The following ZNF536 variants were observed in gnomAD, a reference collection of about 807,000 sequenced individuals.
ZNF536 encodes the protein zinc finger protein 536.
A neutral mutation model predicts 84.5 loss-of-function variants in ZNF536; 13 were observed. The ratio of observed to expected loss-of-function variants is 0.15; its 90% confidence interval spans 0.10 to 0.24. The LOEUF (loss-of-function observed/expected upper bound fraction) is 0.24, where lower values mean the gene tolerates loss of function less well. Ranked by LOEUF, ZNF536 falls within the 10% of genes least tolerant of loss-of-function variation. ZNF536 has a pLI of 1.00. For synonymous variants in ZNF536, 811 were observed against 742.5 expected (o/e 1.09, Z -1.50); for missense variants, 1,536 against 1,747.5 (o/e 0.88, Z 2.16).
At chr19:30,615,568 T>A (rs1398561814) in intron 1 of ZNF536, among the ~76,000 whole-genome samples, 1 of 152,176 alleles carries the variant, frequency 6.6e-6, no homozygotes, top group Non-Finnish European at 1.5e-5. Flanking sequence ...TTCTTTTTTT[T>A]TTCAGAATTT....
intron 2 of ZNF536, among the ~76,000 whole-genome samples, chr19:30,330,516 C>T (rs1163441114): frequency 3.3e-5 from 5 of 152,156 alleles, no homozygotes; most frequent in Non-Finnish European, 5.9e-5. Context: ...ACAAGCCTTG[C>T]TTTGCTACCA....
intron 2 of ZNF536, among the ~76,000 whole-genome samples, chr19:30,319,353 G>C (rs149038831): frequency 2.8e-4 from 43 of 152,122 alleles, no homozygotes; most frequent in African/African-American, 8.9e-4. Context: ...AGTCGTAAAG[G>C]CTCAGACTGA....
At chr19:30,635,246 G>A (rs574858173) in intron 1 of ZNF536, among the ~76,000 whole-genome samples, 79 of 152,336 alleles carry the variant, frequency 5.2e-4, no homozygotes, top group African/African-American at 1.8e-3. Context: ...CAGGCATATG[G>A]CGTGGATTGG....
In ZNF536 at chr19:30,576,585, T is replaced by C. The variant is rs531089106; in HGVS notation, c.169+27071T>C. On this transcript the variant is annotated intron_variant, in intron 1 of 1. Coordinates refer to the ZNF536 transcript ENST00000592773. ...CTACGCTAGTGGCGCTCATGTCTGATACTGTGGGCTGGACAGCCAGGTTCT... is the reference window on the plus strand; with the variant it reads ...CTACGCTAGTGGCGCTCATGTCTGACACTGTGGGCTGGACAGCCAGGTTCT... Among the ~76,000 whole-genome samples, 192 of 152,348 alleles carry C rather than the reference T, an allele frequency of 1.3e-3. 2 individuals carry two copies. The highest frequency in any genetic ancestry group is 4.6e-3 in the African/African-American group (190 of 41,576).
At chr19:30,655,323 C>G (rs1449028924) in intron 1 of ZNF536, among the ~76,000 whole-genome samples, 1 of 152,166 alleles carries the variant, frequency 6.6e-6, no homozygotes. Flanking sequence ...TTGCTCATTT[C>G]TGTTTTTGAA....
chr19:30,706,972 T>A (rs2052264299), intron 1 of ZNF536, among the ~76,000 whole-genome samples: 1 of 152,212 alleles, frequency 6.6e-6, no homozygotes, highest in South Asian at 2.1e-4. Flanking sequence ...TGGGATGACC[T>A]TCAATTGGCT....
In ZNF536 at chr19:30,445,318, A is replaced by G. The variant is rs2052270830; in HGVS notation, c.1756A>G (p.Thr586Ala). The G allele has an allele frequency of 1.2e-6, 2 of 1,614,074 alleles. No individual in the cohort carries two copies. Among genetic ancestry groups the G allele is most frequent in the African/African-American group, 1.3e-5 (1 of 74,936 alleles). ...AATGCCTGCTGATTTGGTTCACAGCACTAAAGTGGGCAGCCAGAGAGACCT... is the reference window on the plus strand; with the variant it reads ...AATGCCTGCTGATTTGGTTCACAGCGCTAAAGTGGGCAGCCAGAGAGACCT... ...QKMPADLVHS[T>A]KVGSQRDLPS... is the part of the protein sequence containing the mutation. Residue 586 changes from threonine (T) to alanine (A), a missense_variant, in exon 2 of 5, where the codon ACT becomes GCT. Physicochemically the swap from Thr to Ala is moderately conservative, Grantham distance 58 (BLOSUM62 0). Around this residue, in one of 8 missense-constraint regions of ZNF536, gnomAD observed 366 missense variants for 364.4 expected, o/e 1.00. Coordinates refer to ENST00000355537, the MANE Select transcript of ZNF536 (RefSeq NM_014717.3). This position sits in a 1 kb window ranked among gnomAD's most constrained non-coding sequence, Gnocchi z 4.5.
chr19:30,691,573 T>C (rs1349883172), intron 1 of ZNF536, among the ~76,000 whole-genome samples: 3 of 152,154 alleles, frequency 2.0e-5, no homozygotes, highest in Admixed American at 6.5e-5. Context: ...AGGTTATTGT[T>C]TGTGGACAGA....
At chr19:30,650,682 C>A (rs1326984963) in intron 1 of ZNF536, among the ~76,000 whole-genome samples, 1 of 152,136 alleles carries the variant, frequency 6.6e-6, no homozygotes, top group Non-Finnish European at 1.5e-5. Context: ...GACACTGTTT[C>A]ATCTTAAAAA....
At chr19:30,254,201 A>G (rs2024783120) in intron 1 of ZNF536, among the ~76,000 whole-genome samples, 1 of 152,116 alleles carries the variant, frequency 6.6e-6, no homozygotes, top group African/African-American at 2.4e-5. Flanking sequence ...TCAGAATGCC[A>G]TTGTCTCCTG....
At chr19:30,697,811 C>T (rs1355684018) in intron 1 of ZNF536, among the ~76,000 whole-genome samples, 1 of 152,210 alleles carries the variant, frequency 6.6e-6, no homozygotes, top group Admixed American at 6.5e-5. Context: ...GTGTGTGTGC[C>T]ATATGCCCTC....
At chr19:30,669,463 T>A (rs965306306) in intron 1 of ZNF536, among the ~76,000 whole-genome samples, 2 of 152,114 alleles carry the variant, frequency 1.3e-5, no homozygotes, top group African/African-American at 4.8e-5. Context: ...TCCAGCCTGA[T>A]GAAGAAAGAA....
intron 2 of ZNF536, among the ~76,000 whole-genome samples, chr19:30,331,162 G>A (rs1157712447): frequency 1.3e-5 from 2 of 150,708 alleles, no homozygotes; most frequent in African/African-American, 4.9e-5. Context: ...CATACACCTG[G>A]GGTCTCAGCT....
chr19:30,690,905 T>C (rs1374617520), intron 1 of ZNF536, among the ~76,000 whole-genome samples: 3 of 152,200 alleles, frequency 2.0e-5, no homozygotes, highest in Non-Finnish European at 4.4e-5. Context: ...CTTTTGGCAA[T>C]GCTTGGTTTT....
intron 2 of ZNF536, among the ~76,000 whole-genome samples, chr19:30,504,718 T>A (rs4804934): frequency 2.7e-5 from 4 of 149,834 alleles, no homozygotes; most frequent in Admixed American, 6.7e-5. Flanking sequence ...GAGCATCTGC[T>A]TCTTGTCAGG....
At chr19:30,527,219 CTTTT>C (rs56404227) in intron 2 of ZNF536, among the ~76,000 whole-genome samples, 55 of 106,148 alleles carry the variant, frequency 5.2e-4, no homozygotes, top group African/African-American at 1.4e-3. Flanking sequence ...ACCCAGCCTC[CTTTT>C]TTTTTTTTTT....
intron 1 of ZNF536, among the ~76,000 whole-genome samples, chr19:30,260,963 C>T (rs1034912476): frequency 6.6e-6 from 1 of 152,186 alleles, no homozygotes; most frequent in Non-Finnish European, 1.5e-5. Flanking sequence ...GACTATTTTG[C>T]ATGATACATA....
At chr19:30,463,750 C>T (rs1242867301) in intron 2 of ZNF536, among the ~76,000 whole-genome samples, 1 of 152,176 alleles carries the variant, frequency 6.6e-6, no homozygotes, top group Non-Finnish European at 1.5e-5. Context: ...CAGGGCCTGC[C>T]ACCGTAGACT....
chr19:30,629,876 C>T (rs2147226431), intron 1 of ZNF536, among the ~76,000 whole-genome samples: 1 of 152,364 alleles, frequency 6.6e-6, no homozygotes, highest in Non-Finnish European at 1.5e-5. Flanking sequence ...CACAGTGACA[C>T]AGGCACAGTG....
Sources: allele counts gnomAD v4.1 joint callset (sites outside exome capture counted in the v4.1 genomes callset), GRCh38; gene constraint gnomAD v4.1.1; regional missense constraint gnomAD v4.1.1; non-coding constraint Gnocchi (gnomAD v3.1); transcripts MANE v1.5; gene names NCBI Gene and HGNC (gene_info 2026-07-23, HGNC 2026-07-21).